Variants in CUL4B observed in about 807,000 individuals in gnomAD.
CUL4B encodes the protein cullin 4B.
In CUL4B, 1 loss-of-function variant was observed where a neutral mutation model predicts 69.2. The ratio of observed to expected loss-of-function variants is 0.01; its 90% CI spans 0.01 to 0.07. The LOEUF is 0.07. Ranked by LOEUF, CUL4B falls within the 10% of genes least tolerant of loss-of-function variation. The pLI is 1.00. For missense variants in CUL4B, 328 were observed against 638.8 expected (o/e 0.51, Z 5.24); for synonymous variants, 237 against 223.2 (o/e 1.06, Z -0.55).
chrX:120,558,180 T>C, intron 1 of CUL4B, 141 bp from the exon 2 acceptor site: 1 of 448,150 alleles, frequency 2.2e-6, no homozygotes, highest in Non-Finnish European at 3.9e-6. Flanking sequence ...AAGTAACCAC[T>C]GTATTTAAGC....
intron 2 of CUL4B, among the ~76,000 whole-genome samples, chrX:120,553,614 C>A (rs1924807615): frequency 9.0e-6 from 1 of 111,522 alleles, no homozygotes; most frequent in African/African-American, 3.3e-5. Context: ...ATCTTAAACA[C>A]TGTAGTAGGC....
chrX:120,553,358 T>C (rs1328423998), intron 2 of CUL4B, among the ~76,000 whole-genome samples: 3 of 111,889 alleles, frequency 2.7e-5, no homozygotes, highest in Non-Finnish European at 5.6e-5. Context: ...TAATAACCTA[T>C]ACTATTTGAT....
intron 2 of CUL4B, among the ~76,000 whole-genome samples, chrX:120,549,565 G>GC (rs1924560540): frequency 9.0e-6 from 1 of 111,112 alleles, no homozygotes; most frequent in South Asian, 3.8e-4. Flanking sequence ...AAAAAGAAGA[G>GC]AAGAGCAGAG....
chrX:120,557,930 G>C lies in CUL4B; in HGVS notation c.666C>G (p.Leu222=). The change falls in exon 2 of 20, where the codon CTC becomes CTG. Residue 222 remains leucine, a synonymous_variant. Transcript: ENST00000371322. ...STSIKYNLEE[L]YQAVENLCSY... Reference sequence around the variant, plus strand: ...TATGCATATTAATACATACCTGGTAGAGTTCTTCTAAATTGTACTTAATTG... The same window carrying C: ...TATGCATATTAATACATACCTGGTACAGTTCTTCTAAATTGTACTTAATTG... 1 of 1,150,234 alleles carries C rather than the reference G, an allele frequency of 8.7e-7. No homozygotes were observed. The allele number at this position is 1,150,234 out of a possible 1,213,427, so 94.8% of individuals were successfully genotyped here. A position where few individuals can be genotyped will look rare whatever the true frequency, so the allele number is the denominator to read the frequency against.
chrX:120,538,612 TCTC>T (rs1275034932), intron 13 of CUL4B, 45 bp downstream of exon 13: 6 of 839,220 alleles, frequency 7.1e-6, no homozygotes, highest in Middle Eastern at 2.7e-4. Context: ...AAGCTAACAT[TCTC>T]CTTCAGGAAT....
At chrX:120,552,461 T>C (rs970349053) in intron 2 of CUL4B, among the ~76,000 whole-genome samples, 2 of 112,634 alleles carry the variant, frequency 1.8e-5, no homozygotes, top group African/African-American at 6.5e-5. Context: ...CAAGTCTTTT[T>C]AATAAAACTA....
At chrX:120,534,426 A>G (rs914600456) in intron 17 of CUL4B, 55 bp downstream of exon 17, 5 of 794,721 alleles carry the variant, frequency 6.3e-6, no homozygotes, top group African/African-American at 6.2e-5. Flanking sequence ...TATGTCCCCC[A>G]GACCTCTTAA....
chrX:120,544,096 G>C lies in CUL4B; in HGVS notation c.1173+18C>G, dbSNP rs902116678. 19 of 1,043,868 alleles carry C rather than the reference G, an allele frequency of 1.8e-5. No individual in the cohort carries two copies. The highest frequency in any genetic ancestry group is 2.6e-5 in the Non-Finnish European group (19 of 744,746). The allele number at this position is 1,043,868 out of a possible 1,213,427, so 86.0% of individuals were successfully genotyped here. On this transcript the variant is annotated intron_variant, in intron 7 of 19. Transcript: ENST00000371322. ...TGTGAGAGACAGTGAGAATTTATTA[G>C]TCATGATTTTTAAATACCTCTCTTT...
At chrX:120,543,669 G>A (rs987615925) in intron 8 of CUL4B, 58 bp downstream of exon 8, 10 of 820,806 alleles carry the variant, frequency 1.2e-5, no homozygotes, top group Non-Finnish European at 1.8e-5. Context: ...GATGGCTAAA[G>A]TGCTGCAAGT....
upstream of CUL4B, among the ~76,000 whole-genome samples, chrX:120,562,350 C>T (rs768030859): frequency 2.4e-3 from 265 of 111,739 alleles, 1 homozygote; most frequent in African/African-American, 8.4e-3. Context: ...TTGTAAATTC[C>T]CTGTTGGGAG....
At chrX:120,527,437 G>T (rs900083719) in intron 19 of CUL4B, among the ~76,000 whole-genome samples, 6 of 109,718 alleles carry the variant, frequency 5.5e-5, no homozygotes, top group Admixed American at 3.9e-4. Flanking sequence ...TAATAGACAG[G>T]GTCTTGCTAT....
At position 120,574,529 on chromosome X, in the gene CUL4B, T is replaced by C. The variant is rs1352152484; in HGVS notation, c.67+22A>G. On this transcript the variant is annotated intron_variant, in intron 2 of 2. Transcript: ENST00000486604. ...CAATTATTTAGACTTAACTCTTGAG[T>C]TTTACTAGTTCATTTACTCACCACC... The C allele has an allele frequency of 6.0e-6, 7 of 1,171,010 alleles. No homozygotes were observed. In the African/African-American group the frequency reaches 8.8e-5, roughly 15 times the overall value.
At chrX:120,568,096 T>G (rs1168732571), downstream of CUL4B, among the ~76,000 whole-genome samples, 1 of 111,742 alleles carries the variant, frequency 8.9e-6, no homozygotes, top group Non-Finnish European at 1.9e-5. Flanking sequence ...CCAAGGAGTC[T>G]TAGTTCCTAA....
intron 1 of CUL4B, 60 bp downstream of exon 1, chrX:120,560,023 C>T: frequency 1.7e-6 from 2 of 1,210,333 alleles, no homozygotes; most frequent in Non-Finnish European, 2.2e-6. Flanking sequence ...ATAAATAGAG[C>T]ACGTGACCCC....
At chrX:120,530,583 A>G (rs1923248757) in intron 18 of CUL4B, among the ~76,000 whole-genome samples, 1 of 112,147 alleles carries the variant, frequency 8.9e-6, no homozygotes, top group Non-Finnish European at 1.9e-5. Context: ...TATCTTCTAA[A>G]TGTGTGTATC....
chrX:120,571,358 A>G (rs185105648), exon 3 of CUL4B: 3 of 111,708 alleles, frequency 2.7e-5, no homozygotes, highest in Non-Finnish European at 5.6e-5. Flanking sequence ...AAGGCAGACC[A>G]TGACAGTATG....
chrX:120,570,164 T>G (rs901525630), downstream of CUL4B, among the ~76,000 whole-genome samples: 4 of 111,845 alleles, frequency 3.6e-5, no homozygotes, highest in African/African-American at 1.3e-4. Context: ...TGAGCCACAC[T>G]GGTTCAGGAA....
At chrX:120,559,893 C>A in intron 1 of CUL4B, 190 bp downstream of exon 1, 1 of 1,142,717 alleles carries the variant, frequency 8.8e-7, no homozygotes, top group Non-Finnish European at 1.2e-6. Flanking sequence ...GTGTATGCTT[C>A]AGCACAAGGA....
At chrX:120,542,919 C>T in intron 9 of CUL4B, 47 bp downstream of exon 9, 1 of 943,827 alleles carries the variant, frequency 1.1e-6, no homozygotes, top group Non-Finnish European at 1.5e-6. Flanking sequence ...TACTAGTTTG[C>T]CACTACCATT....
Sources: allele counts gnomAD v4.1 joint callset (sites outside exome capture counted in the v4.1 genomes callset), GRCh38; gene constraint gnomAD v4.1.1; transcripts MANE v1.5; gene names NCBI Gene and HGNC (gene_info 2026-07-23, HGNC 2026-07-21).